Variants in CUX1 observed in about 807,000 individuals in gnomAD.
The protein encoded by CUX1 is protein CASP.
Under a neutral mutation model 158.8 loss-of-function variants are expected in CUX1, and 31 were observed. That is an observed-to-expected ratio of 0.20 (90% CI 0.15 to 0.26). The LOEUF is 0.26. Among genes scored for constraint, CUX1 ranks in the 10% least tolerant of loss-of-function variants. The pLI, the probability that CUX1 is intolerant of heterozygous loss-of-function variation, is 1.00. For missense variants in CUX1, 1,589 were observed against 2,014.6 expected, an observed-to-expected ratio of 0.79 and a Z score of 4.04; for synonymous variants, 879 against 862.1, an observed-to-expected ratio of 1.02 and a Z score of -0.34.
At chr7:101,997,723 A>G (rs917685292) in intron 2 of CUX1, among the ~76,000 whole-genome samples, 13 of 152,260 alleles carry the variant, frequency 8.5e-5, no homozygotes, top group Middle Eastern at 3.4e-3. Flanking sequence ...TGTTGTGCCC[A>G]TTGTACAGAT....
chr7:101,906,546 C>A (rs1345541477), intron 1 of CUX1, among the ~76,000 whole-genome samples: 1 of 151,886 alleles, frequency 6.6e-6, no homozygotes, highest in African/African-American at 2.4e-5. Context: ...CCCCAGGAAG[C>A]CACAGAAGGC....
chr7:101,818,543 C>G (rs1014021247), intron 1 of CUX1, among the ~76,000 whole-genome samples: 1 of 152,130 alleles, frequency 6.6e-6, no homozygotes, highest in Non-Finnish European at 1.5e-5. Context: ...AGGGTTCCAT[C>G]GAAAGTTTCC....
chr7:102,202,331 T>A (rs1028738910), intron 18 of CUX1, 127 bp downstream of exon 18: 1 of 1,303,916 alleles, frequency 7.7e-7, no homozygotes, highest in Non-Finnish European at 1.0e-6. Flanking sequence ...TAAGGCATCC[T>A]CTGCTCCCAG....
intron 1 of CUX1, among the ~76,000 whole-genome samples, chr7:101,838,017 A>G (rs990122233): frequency 6.6e-6 from 1 of 151,718 alleles, no homozygotes; most frequent in Non-Finnish European, 1.5e-5. Context: ...ATGCCTTTAT[A>G]TGGATGCAAA....
chr7:102,166,988 C>T lies in CUX1; in HGVS notation c.724-3458C>T, dbSNP rs540481198. ...GCTCCACAGAAATTATGCAATCAGGCCGGGCGCGGTGGCTCACACCTGTAA... is the reference window on the plus strand; with the variant it reads ...GCTCCACAGAAATTATGCAATCAGGTCGGGCGCGGTGGCTCACACCTGTAA... On this transcript the variant is annotated intron_variant, in intron 9 of 23. Transcript: ENST00000292535. 2.5e-4 allele frequency among the ~76,000 whole-genome samples: 38 copies of T among 152,238 alleles called. No individual in the cohort carries two copies. In the South Asian group the frequency reaches 7.7e-3, roughly 31 times the overall value.
Position 102,248,507 on chromosome 7 carries a change from G to C in CUX1, c.3983G>C (p.Arg1328Pro). The change falls in exon 24 of 24, where the codon CGG becomes CCG. Residue 1328 changes from arginine (R) to proline (P), a missense_variant. By Grantham distance (103) the Arg-to-Pro change is moderately radical. Coordinates refer to ENST00000292535, the MANE Select transcript of CUX1 (RefSeq NM_181552.4). This position sits in a 1 kb window ranked among gnomAD's most constrained non-coding sequence, Gnocchi z 5.8. The stretch of plus-strand genomic sequence containing the variant: ...GACTCACCCTCGGCCCGCAGCGGCC[G>C]GGCGGCGCCCAGCTCGGAGGGCGAC... ...ASDSPSARSG[R>P]AAPSSEGDSC... 2 of 1,556,570 alleles carry C rather than the reference G, an allele frequency of 1.3e-6. No homozygotes were observed. Among genetic ancestry groups the C allele is most frequent in the African/African-American group, 2.7e-5 (2 of 72,834 alleles).
At chr7:102,086,460 T>C (rs189886372) in intron 4 of CUX1, among the ~76,000 whole-genome samples, 19 of 152,290 alleles carry the variant, frequency 1.2e-4, no homozygotes, top group African/African-American at 4.6e-4. Flanking sequence ...GAATGTTCCA[T>C]GTGTACTTAA....
At chr7:102,152,108 G>A (rs1046925457) in intron 8 of CUX1, among the ~76,000 whole-genome samples, 1 of 152,164 alleles carries the variant, frequency 6.6e-6, no homozygotes, top group Non-Finnish European at 1.5e-5. Flanking sequence ...TACTCGGGAG[G>A]CCAAGGCAGG....
intron 2 of CUX1, among the ~76,000 whole-genome samples, chr7:101,944,441 T>C (rs947395581): frequency 6.6e-6 from 1 of 152,184 alleles, no homozygotes; most frequent in Non-Finnish European, 1.5e-5. Flanking sequence ...AAGCACTGGG[T>C]GTTACCATCC....
chr7:101,968,218 G>A (rs750686965), intron 2 of CUX1, among the ~76,000 whole-genome samples: 14 of 152,058 alleles, frequency 9.2e-5, no homozygotes, highest in South Asian at 2.1e-4. Flanking sequence ...GGGTTGTATC[G>A]TTTGTCTTTT....
intron 8 of CUX1, among the ~76,000 whole-genome samples, chr7:102,129,163 G>A (rs1832956424): frequency 6.6e-6 from 1 of 152,138 alleles, no homozygotes; most frequent in Admixed American, 6.6e-5. Context: ...TCCATGATGA[G>A]TTTGTAAAAA....
Position 101,980,800 on chromosome 7 carries a change from C to T in CUX1, c.142-47298C>T, listed in dbSNP as rs113839893. Among the ~76,000 whole-genome samples, 15 of 152,206 alleles carry T rather than the reference C, an allele frequency of 9.9e-5. 1 individual carries two copies. The highest frequency in any genetic ancestry group is 2.4e-4 in the African/African-American group (10 of 41,536). On this transcript the variant is annotated intron_variant, in intron 2 of 23. Coordinates refer to ENST00000292535, the MANE Select transcript of CUX1 (RefSeq NM_181552.4). ...CCCGAGAACCAGCCCGCCGTCCGCA[C>T]GGATGTACCTGGAAGCCACAGTGCC... is the stretch of plus-strand genomic sequence containing the variant.
Position 102,252,889 on chromosome 7 carries a change from G to T in CUX1, c.*3847G>T. 1 of 985,484 alleles carries T rather than the reference G, an allele frequency of 1.0e-6. No individual in the cohort carries two copies. Among genetic ancestry groups the T allele is most frequent in the Non-Finnish European group, 1.2e-6 (1 of 829,954 alleles). The allele number at this position is 985,484 out of a possible 1,614,324, so 61.0% of individuals were successfully genotyped here. On this transcript the variant is annotated 3_prime_UTR_variant, in exon 24 of 24. Transcript: ENST00000292535. ...CTAGACGATCTTAGGAGGCATCTTG[G>T]CATGAGGCAGCTTCTAAGCGTCTCC... is the stretch of plus-strand genomic sequence containing the variant.
At chr7:102,125,985 A>G (rs1013767359) in intron 8 of CUX1, among the ~76,000 whole-genome samples, 2 of 151,614 alleles carry the variant, frequency 1.3e-5, no homozygotes, top group Non-Finnish European at 2.9e-5. Flanking sequence ...GTTTCCTTTT[A>G]CATGACATTA....
At chr7:102,172,934 G>A (rs1554510805) in intron 10 of CUX1, among the ~76,000 whole-genome samples, 1 of 152,058 alleles carries the variant, frequency 6.6e-6, no homozygotes, top group East Asian at 1.9e-4. Flanking sequence ...GGTGGTATGT[G>A]CCTGTAGTCC....
intron 8 of CUX1, among the ~76,000 whole-genome samples, chr7:102,145,316 T>C (rs1554501719): frequency 6.6e-6 from 1 of 151,890 alleles, no homozygotes; most frequent in Non-Finnish European, 1.5e-5. Context: ...TTTATCATGC[T>C]CCTCTGTCCT....
chr7:101,989,641 G>A (rs887221619), intron 2 of CUX1, among the ~76,000 whole-genome samples: 1 of 152,246 alleles, frequency 6.6e-6, no homozygotes, highest in Admixed American at 6.5e-5. Flanking sequence ...AGACTGGTGA[G>A]ATTCTCACCG....
chr7:102,193,969 G>A, intron 13 of CUX1, 79 bp downstream of exon 13: 4 of 1,394,496 alleles, frequency 2.9e-6, no homozygotes, highest in Non-Finnish European at 4.1e-6. Flanking sequence ...CATATCCCAT[G>A]ATCCACTGTT....
chr7:102,162,138 G>C, intron 9 of CUX1, among the ~76,000 whole-genome samples: 1 of 151,970 alleles, frequency 6.6e-6, no homozygotes, highest in East Asian at 1.9e-4. Flanking sequence ...AAGGGGGAAG[G>C]GTCATGGGGG....
Sources: gnomAD v4.1 joint callset for allele counts (sites outside exome capture counted in the v4.1 genomes callset) on GRCh38, gnomAD v4.1.1 for gene constraint, Gnocchi (gnomAD v3.1) non-coding constraint, MANE v1.5 for transcripts, NCBI Gene and HGNC (gene_info 2026-07-23, HGNC 2026-07-21) for gene names.